The following KIRREL3 variants were observed in gnomAD, a reference collection of about 807,000 sequenced individuals.
The protein encoded by KIRREL3 is kin of IRRE-like protein 3.
In KIRREL3, 36 loss-of-function variants were observed where a neutral mutation model predicts 89.7. The observed-to-expected ratio is 0.40, with a 90% confidence interval of 0.31 to 0.53. KIRREL3 has a LOEUF of 0.53. KIRREL3 is among the 20% of genes least tolerant of loss of function. The pLI, the probability that KIRREL3 is intolerant of heterozygous loss-of-function variation, is 0.49. For synonymous variants in KIRREL3, 445 were observed against 441.4 expected (o/e 1.01, Z -0.10); for missense variants, 864 against 1,056.6 (o/e 0.82, Z 2.53).
chr11:126,922,706 GAGC>G (rs542177903), intron 1 of KIRREL3, among the ~76,000 whole-genome samples: 1 of 149,394 alleles, frequency 6.7e-6, no homozygotes, highest in African/African-American at 2.5e-5. Context: ...AAAGCAGCAG[GAGC>G]AGCAGCAACA....
intron 4 of KIRREL3, among the ~76,000 whole-genome samples, chr11:126,493,260 G>A (rs1957569122): frequency 1.3e-5 from 2 of 152,192 alleles, no homozygotes; most frequent in Non-Finnish European, 2.9e-5. Context: ...GGTGGCTCAT[G>A]CCTGTAATCC....
At chr11:126,794,332 C>T (rs1950736808) in intron 1 of KIRREL3, among the ~76,000 whole-genome samples, 1 of 152,200 alleles carries the variant, frequency 6.6e-6, no homozygotes, top group African/African-American at 2.4e-5. Context: ...TGCTTTCTCT[C>T]TGTGAAGGCT....
chr11:126,935,709 G>C (rs544229378), intron 1 of KIRREL3: 2 of 152,178 alleles, frequency 1.3e-5, no homozygotes, highest in Non-Finnish European at 2.9e-5. Context: ...AAGATTAGTG[G>C]TTGCCAGGGT....
rs1175645271 is a variant in KIRREL3, at chr11:126,683,842, C to G, written c.56-120930G>C. Among the ~76,000 whole-genome samples, 1 of 152,208 alleles carries G rather than the reference C, an allele frequency of 6.6e-6. No individual in the cohort carries two copies. The highest frequency in any genetic ancestry group is 2.1e-4 in the South Asian group (1 of 4,830). ...TAGAAACAGGAAGCCGTCTTGAAAC[C>G]CTCGCCAGGCCCCAGACGCGCGTGG... On this transcript the variant is annotated intron_variant, in intron 1 of 16. Transcript: ENST00000525144. The surrounding 1 kb of genome is among the most constrained non-coding windows in gnomAD (Gnocchi z 5.2).
At chr11:126,464,270 G>C (rs1461543128) in intron 5 of KIRREL3, among the ~76,000 whole-genome samples, 1 of 151,178 alleles carries the variant, frequency 6.6e-6, no homozygotes, top group Non-Finnish European at 1.5e-5. Flanking sequence ...CACTTTGGGA[G>C]GCTGAGGTGG....
rs1315766089 is a variant in KIRREL3 at position 126,924,455 on chromosome 11, C to T, written c.55+76000G>A. ...TTGGGATCTAAAATAAAGAGGATTT[C>T]CAGGCACACGGGAAGTCTAACACCC... On this transcript the variant is annotated intron_variant, in intron 1 of 16. Transcript: ENST00000525144. The surrounding 1 kb of genome is among the most constrained non-coding windows in gnomAD (Gnocchi z 4.7). Among the ~76,000 whole-genome samples the T allele has an allele frequency of 6.6e-6, 1 of 152,138 alleles. No homozygotes were observed. Among genetic ancestry groups the T allele is most frequent in the Non-Finnish European group, 1.5e-5 (1 of 68,030 alleles).
intron 1 of KIRREL3, among the ~76,000 whole-genome samples, chr11:126,613,321 C>G (rs1401262606): frequency 6.6e-6 from 1 of 152,186 alleles, no homozygotes; most frequent in African/African-American, 2.4e-5. Context: ...TTCTCCAACA[C>G]AGAACTCCAG....
Position 126,768,170 on chromosome 11 carries a change from A to ATCCATCCATCCATCCAATCC in KIRREL3, c.56-205259_56-205258insGGATTGGATGGATGGATGGA, listed in dbSNP as rs1171306684. Among the ~76,000 whole-genome samples, 37 of 80,002 alleles carry ATCCATCCATCCATCCAATCC rather than the reference A, an allele frequency of 4.6e-4. No individual in the cohort carries two copies. Among genetic ancestry groups the ATCCATCCATCCATCCAATCC allele is most frequent in the Non-Finnish European group, 7.5e-4 (26 of 34,576 alleles). 52.5% of individuals were successfully genotyped at this position (80,002 alleles called of 152,430 possible). On this transcript the variant is annotated intron_variant, in intron 1 of 16. Transcript: ENST00000525144. This position sits in a 1 kb window ranked among gnomAD's most constrained non-coding sequence, Gnocchi z 4.5. Reference sequence around the variant, plus strand: ...CATCCATCCATCCATCCATCCATCCAATCCATCCATCCATCCATCCATCCA... The same window carrying ATCCATCCATCCATCCAATCC: ...CATCCATCCATCCATCCATCCATCCATCCATCCATCCATCCAATCCATCCATCCATCCATCCATCCATCCA...
chr11:126,424,468 G>C lies in KIRREL3; in HGVS notation c.*112C>G. 2.0e-6 allele frequency: 2 copies of C among 1,016,982 alleles called. No individual in the cohort carries two copies. Among genetic ancestry groups the C allele is most frequent in the Non-Finnish European group, 2.9e-6 (2 of 689,348 alleles). The allele number at this position is 1,016,982 out of a possible 1,614,324, so 63.0% of individuals were successfully genotyped here. A position where few individuals can be genotyped will look rare whatever the true frequency, so the allele number is the denominator to read the frequency against. ...GCAGTGGCAGAGGCGCTGGGAGGCT[G>C]TCCTGGAAGTGGCCAATTCTGGTGT... On this transcript the variant is annotated 3_prime_UTR_variant, in exon 17 of 17. Coordinates refer to ENST00000525144, the MANE Select transcript of KIRREL3 (RefSeq NM_032531.4).
rs1946842384 is a variant in KIRREL3 at position 126,912,017 on chromosome 11, G to GATGACTCAGTAGAGACTGGGAAGGA, written c.55+88413_55+88437dup. 6.6e-6 allele frequency among the ~76,000 whole-genome samples: 1 copy of GATGACTCAGTAGAGACTGGGAAGGA among 151,362 alleles called. No homozygotes were observed. The highest frequency in any genetic ancestry group is 2.1e-4 in the South Asian group (1 of 4,778). ...AAAAAAAAAAAAGAACGGCAACTGG[G>GATGACTCAGTAGAGACTGGGAAGGA]ATGACTCAGTAGAGACTGGGAAGGA... On this transcript the variant is annotated intron_variant, in intron 1 of 16. Transcript: ENST00000525144. This position sits in a 1 kb window ranked among gnomAD's most constrained non-coding sequence, Gnocchi z 4.7.
Position 126,778,815 on chromosome 11 carries a change from C to G in KIRREL3, c.56-215903G>C, listed in dbSNP as rs1008198766. 1.3e-5 allele frequency among the ~76,000 whole-genome samples: 2 copies of G among 152,144 alleles called. No individual in the cohort carries two copies. The highest frequency in any genetic ancestry group is 2.9e-5 in the Non-Finnish European group (2 of 68,030). On this transcript the variant is annotated intron_variant, in intron 1 of 16. Coordinates refer to ENST00000525144, the MANE Select transcript of KIRREL3 (RefSeq NM_032531.4). The surrounding 1 kb of genome is among the most constrained non-coding windows in gnomAD (Gnocchi z 4.5). ...AGCTATTTCCATTCCATTCAAGGAC[C>G]CATTTATATAAGTCCAGCATGGAAA...
rs1234097422 is a variant in KIRREL3 at position 126,843,524 on chromosome 11, T to C, written c.55+156931A>G. 6.6e-6 allele frequency among the ~76,000 whole-genome samples: 1 copy of C among 152,146 alleles called. No homozygotes were observed. The highest frequency in any genetic ancestry group is 1.5e-5 in the Non-Finnish European group (1 of 68,028). On this transcript the variant is annotated intron_variant, in intron 1 of 16. Transcript: ENST00000525144. The surrounding 1 kb of genome is among the most constrained non-coding windows in gnomAD (Gnocchi z 4.6). The stretch of plus-strand genomic sequence containing the variant: ...CAGAGACTTCCAGCCTAGTCAGCTA[T>C]GCAATCAAACCAAAGCATGCCTAAG...
chr11:126,646,173 G>T (rs1160840760), intron 1 of KIRREL3, among the ~76,000 whole-genome samples: 1 of 152,112 alleles, frequency 6.6e-6, no homozygotes, highest in East Asian at 1.9e-4. Flanking sequence ...TCGCCCAGTG[G>T]GTCCCCCTTG....
At chr11:126,873,984 G>T (rs1945190857) in intron 1 of KIRREL3, among the ~76,000 whole-genome samples, 1 of 152,100 alleles carries the variant, frequency 6.6e-6, no homozygotes, top group Admixed American at 6.5e-5. Context: ...CAGCCTGGTG[G>T]TTTGCACCGT....
Position 126,544,648 on chromosome 11 carries a change from G to A in KIRREL3, c.134-17961C>T, listed in dbSNP as rs1938635844. Among the ~76,000 whole-genome samples, 1 of 152,130 alleles carries A rather than the reference G, an allele frequency of 6.6e-6. No homozygotes were observed. Among genetic ancestry groups the A allele is most frequent in the Non-Finnish European group, 1.5e-5 (1 of 68,018 alleles). On this transcript the variant is annotated intron_variant, in intron 2 of 16. Transcript: ENST00000525144. The surrounding 1 kb of genome is among the most constrained non-coding windows in gnomAD (Gnocchi z 5.6). Reference sequence around the variant, plus strand: ...GGGCTCCATGCAGGACAGCAAATGGGCCCTGTCATTTATTTACTCCCTCCA... The same window carrying A: ...GGGCTCCATGCAGGACAGCAAATGGACCCTGTCATTTATTTACTCCCTCCA...
At chr11:126,512,050 C>T (rs1252866444) in intron 4 of KIRREL3, among the ~76,000 whole-genome samples, 1 of 152,206 alleles carries the variant, frequency 6.6e-6, no homozygotes, top group East Asian at 1.9e-4. Flanking sequence ...CTGCCCCTCC[C>T]TCAGTTGGCT....
intron 1 of KIRREL3, among the ~76,000 whole-genome samples, chr11:126,831,396 C>G (rs1234849397): frequency 6.7e-6 from 1 of 148,442 alleles, no homozygotes; most frequent in East Asian, 2.0e-4. Flanking sequence ...CTTTCTCTCT[C>G]TTAAGTCAGT....
rs1946591589 is a variant in KIRREL3 at position 126,684,463 on chromosome 11, G to T, written c.56-121551C>A. Among the ~76,000 whole-genome samples, 1 of 152,190 alleles carries T rather than the reference G, an allele frequency of 6.6e-6. No homozygotes were observed. The highest frequency in any genetic ancestry group is 1.5e-5 in the Non-Finnish European group (1 of 68,026). On this transcript the variant is annotated intron_variant, in intron 1 of 16. Coordinates refer to ENST00000525144, the MANE Select transcript of KIRREL3 (RefSeq NM_032531.4). This position sits in a 1 kb window ranked among gnomAD's most constrained non-coding sequence, Gnocchi z 4.2. ...AGTGGTTCCAAGGTGCCTCCACAAA[G>T]CCTCAGGGCTCTGAGGGTGTTAGGG...
At position 126,812,234 on chromosome 11, in the gene KIRREL3, T is replaced by C. The variant is rs1946054; in HGVS notation, c.55+188221A>G. On this transcript the variant is annotated intron_variant, in intron 1 of 16. Coordinates refer to ENST00000525144, the MANE Select transcript of KIRREL3 (RefSeq NM_032531.4). The surrounding 1 kb of genome is among the most constrained non-coding windows in gnomAD (Gnocchi z 5.2). ...ATTTCCTTACTTTGGAACTTTGGGG[T>C]CCTTAGGATAGCGCTGTGTATATGG... 0.86 allele frequency among the ~76,000 whole-genome samples: 131,483 copies of C among 152,112 alleles called. 57,148 individuals are homozygous for C. Among genetic ancestry groups the C allele is most frequent in the East Asian group, 1 (5,162 of 5,168 alleles).
Sources: gnomAD v4.1 joint callset for allele counts (sites outside exome capture counted in the v4.1 genomes callset) on GRCh38, gnomAD v4.1.1 for gene constraint, Gnocchi (gnomAD v3.1) non-coding constraint, MANE v1.5 for transcripts, NCBI Gene and HGNC (gene_info 2026-07-23, HGNC 2026-07-21) for gene names.